Variants in HHAT observed in about 807,000 individuals in gnomAD.
HHAT encodes the protein hedgehog acyltransferase.
Under a neutral mutation model 70.8 loss-of-function variants are expected in HHAT, and 47 were observed. The observed-to-expected ratio is 0.66, with a 90% CI of 0.53 to 0.85. HHAT has a LOEUF of 0.85. HHAT is among the 40% of genes least tolerant of loss of function. The probability of loss-of-function intolerance (pLI) is 0.00; values close to 1 mark genes in which losing one functional copy is unlikely to be tolerated. For synonymous variants in HHAT, 228 were observed against 247.6 expected (o/e 0.92, Z 0.74); for missense variants, 609 against 604.8 (o/e 1.01, Z -0.07).
chr1:210,410,452 T>G (rs1052681317), intron 6 of HHAT, among the ~76,000 whole-genome samples: 3 of 151,830 alleles, frequency 2.0e-5, no homozygotes, highest in South Asian at 2.1e-4. Flanking sequence ...CTTTTGTTTT[T>G]TTTTTTTTAA....
chr1:210,550,874 G>T (rs915328702), intron 9 of HHAT, among the ~76,000 whole-genome samples: 1 of 147,094 alleles, frequency 6.8e-6, no homozygotes, highest in Non-Finnish European at 1.5e-5. Flanking sequence ...CACCATGTTG[G>T]CCAGGCTGGT....
chr1:210,464,583 G>T lies in HHAT; in HGVS notation c.935G>T (p.Arg312Leu). 1 of 1,614,134 alleles carries T rather than the reference G, an allele frequency of 6.2e-7. No individual in the cohort carries two copies. Among genetic ancestry groups the T allele is most frequent in the Non-Finnish European group, 8.5e-7 (1 of 1,180,018 alleles). The change falls in exon 8 of 12, where the codon CGC becomes CTC. Residue 312 changes from arginine (R) to leucine (L), a missense_variant. Coordinates refer to ENST00000261458, the MANE Select transcript of HHAT (RefSeq NM_018194.6). ...TTTGGCGTGCCTGCTCTGCTCATGC[G>T]CCTGGATGGACTCACTCCACCCGCC... ...VLFGVPALLM[R>L]LDGLTPPALP...
In HHAT at chr1:210,386,230, C is replaced by CTTTCTTTTTTTT. The variant is rs1324452281; in HGVS notation, c.160-1235_160-1234insCTTTTTTTTTTT. ...ATTGCAGGAGTCCTTTTCTTTTTTT[C>CTTTCTTTTTTTT]TTTTTTTTTTTTTTTTTTTTTTTTT... On this transcript the variant is annotated intron_variant, in intron 3 of 11. Coordinates refer to ENST00000261458, the MANE Select transcript of HHAT (RefSeq NM_018194.6). Among the ~76,000 whole-genome samples, 361 of 69,816 alleles carry CTTTCTTTTTTTT rather than the reference C, an allele frequency of 5.2e-3. 2 individuals carry two copies. The highest frequency in any genetic ancestry group is 7.0e-3 in the Non-Finnish European group (272 of 38,622). The allele number at this position is 69,816 out of a possible 152,430, so 45.8% of individuals were successfully genotyped here. A position where few individuals can be genotyped will look rare whatever the true frequency, so the allele number is the denominator to read the frequency against.
At chr1:210,651,432 C>T (rs1356890879) in intron 11 of HHAT, among the ~76,000 whole-genome samples, 1 of 151,822 alleles carries the variant, frequency 6.6e-6, no homozygotes, top group Non-Finnish European at 1.5e-5. Flanking sequence ...AGTTACTGCC[C>T]CTAGGGTTGG....
chr1:210,598,128 T>G (rs193046174), intron 10 of HHAT, among the ~76,000 whole-genome samples: 1 of 151,392 alleles, frequency 6.6e-6, no homozygotes, highest in South Asian at 2.1e-4. Flanking sequence ...GTCTGGGAGG[T>G]AGGGGTTGGG....
rs35489095 is a variant in HHAT, at chr1:210,663,061, T to C, written c.1391-11227T>C. Among the ~76,000 whole-genome samples, 165 of 152,190 alleles carry C rather than the reference T, an allele frequency of 1.1e-3. 1 individual carries two copies. Among genetic ancestry groups the C allele is most frequent in the Non-Finnish European group, 2.0e-3 (136 of 68,012 alleles). ...TCAGCCCTTAGCAGGGGCCATATAA[T>C]TGTGGCTTTAACAGTTTTAATAAAG... On this transcript the variant is annotated intron_variant, in intron 11 of 11. Coordinates refer to ENST00000261458, the MANE Select transcript of HHAT (RefSeq NM_018194.6).
At chr1:210,431,681 A>G (rs567764324) in intron 7 of HHAT, among the ~76,000 whole-genome samples, 1 of 151,762 alleles carries the variant, frequency 6.6e-6, no homozygotes, top group Non-Finnish European at 1.5e-5. Flanking sequence ...ATATGGCCAT[A>G]TTATAATCAT....
At chr1:210,484,684 C>T (rs2094448533) in intron 8 of HHAT, among the ~76,000 whole-genome samples, 1 of 152,164 alleles carries the variant, frequency 6.6e-6, no homozygotes, top group Admixed American at 6.6e-5. Flanking sequence ...TGGCACTAGG[C>T]ATTCTTTTGA....
chr1:210,583,588 C>T (rs935188468), intron 9 of HHAT, among the ~76,000 whole-genome samples: 7 of 152,158 alleles, frequency 4.6e-5, no homozygotes, highest in African/African-American at 1.4e-4. Flanking sequence ...TTTTACCACA[C>T]GTACTGTCTT....
intron 8 of HHAT, among the ~76,000 whole-genome samples, chr1:210,489,507 A>G (rs528212582): frequency 6.6e-6 from 1 of 152,324 alleles, no homozygotes; most frequent in South Asian, 2.1e-4. Flanking sequence ...GGGCACCTTG[A>G]CTTGTGCTCA....
chr1:210,633,002 AG>A (rs1671173496), intron 11 of HHAT, among the ~76,000 whole-genome samples: 1 of 152,180 alleles, frequency 6.6e-6, no homozygotes, highest in South Asian at 2.1e-4. Flanking sequence ...CCAGATGTTG[AG>A]GGGAGCCTGT....
intron 9 of HHAT, among the ~76,000 whole-genome samples, chr1:210,524,772 G>A (rs747750370): frequency 6.6e-6 from 1 of 152,134 alleles, no homozygotes; most frequent in Non-Finnish European, 1.5e-5. Context: ...GGAGCCTGCA[G>A]GTCCAGGTCT....
Position 210,587,907 on chromosome 1 carries a change from CA to C in HHAT, c.1054del (p.Ile352PhefsTer19), listed in dbSNP as rs1273596710. ...CCTCTTCTTTCTCTAGGTATGTGTA[CA>C]TTCCAGTGGGCGGGTCCCAGCATGG... Reference protein sequence around the residue: ...LHNFLIRYVYIPVGGSQHGLL... With the variant: ...LHNFLIRYVYXPVGGSQHGLL... On this transcript the variant is annotated frameshift_variant, in exon 10 of 12. Coordinates refer to ENST00000261458, the MANE Select transcript of HHAT (RefSeq NM_018194.6). LOFTEE classifies it high-confidence loss of function. 6.2e-7 allele frequency: 1 copy of C among 1,613,630 alleles called. No individual in the cohort carries two copies. Among genetic ancestry groups the C allele is most frequent in the Admixed American group, 1.7e-5 (1 of 60,012 alleles).
chr1:210,646,227 C>T (rs747569769), intron 11 of HHAT, among the ~76,000 whole-genome samples: 3 of 152,170 alleles, frequency 2.0e-5, no homozygotes, highest in African/African-American at 7.2e-5. Flanking sequence ...GTTTTTGTTA[C>T]AAGAGACTTC....
At chr1:210,366,308 A>G (rs2088960179) in intron 3 of HHAT, among the ~76,000 whole-genome samples, 1 of 152,230 alleles carries the variant, frequency 6.6e-6, no homozygotes, top group Admixed American at 6.5e-5. Flanking sequence ...AGTAGATGCT[A>G]GCAGCATTTC....
rs112827235 is a variant in HHAT, at chr1:210,599,442, C to T, written c.1245+11343C>T. On this transcript the variant is annotated intron_variant, in intron 10 of 11. Transcript: ENST00000261458. ...TCTACCAGGTTTCTCAGACTTTGCA[C>T]GTGTAATATGGAGCTCGTGACCCCC... is the stretch of plus-strand genomic sequence containing the variant. 5.1e-3 allele frequency among the ~76,000 whole-genome samples: 776 copies of T among 152,236 alleles called. 9 individuals carry two copies. Among genetic ancestry groups the T allele is most frequent in the African/African-American group, 0.018 (741 of 41,544 alleles).
chr1:210,505,339 A>G (rs1421373461), intron 8 of HHAT, among the ~76,000 whole-genome samples: 1 of 152,218 alleles, frequency 6.6e-6, no homozygotes, highest in Non-Finnish European at 1.5e-5. Context: ...TCCTTAGAAA[A>G]TAAAGATGTT....
At chr1:210,331,369 T>C (rs552337305) in intron 1 of HHAT, among the ~76,000 whole-genome samples, 54 of 152,300 alleles carry the variant, frequency 3.5e-4, no homozygotes, top group African/African-American at 1.3e-3. Context: ...GATAGGATGT[T>C]GGAAATGGAA....
intron 9 of HHAT, among the ~76,000 whole-genome samples, chr1:210,563,874 A>G (rs1239333124): frequency 6.6e-6 from 1 of 152,132 alleles, no homozygotes; most frequent in African/African-American, 2.4e-5. Flanking sequence ...GTATGTTAGC[A>G]TCAGTGTATT....
Sources: gnomAD v4.1 joint callset for allele counts (sites outside exome capture counted in the v4.1 genomes callset) on GRCh38, gnomAD v4.1.1 for gene constraint, MANE v1.5 for transcripts, NCBI Gene and HGNC (gene_info 2026-07-23, HGNC 2026-07-21) for gene names.